Variants in SPTBN2 observed in about 807,000 individuals in gnomAD.
SPTBN2 encodes the protein spectrin beta, non-erythrocytic 2, also known as spectrin beta chain, non-erythrocytic 2.
In SPTBN2, 107 loss-of-function variants were observed where a neutral mutation model predicts 284.2. That is an observed-to-expected ratio of 0.38 (90% CI 0.32 to 0.44). SPTBN2 has a LOEUF of 0.44. Among genes scored for constraint, SPTBN2 ranks in the 20% least tolerant of loss-of-function variants. The pLI, the probability that SPTBN2 is intolerant of heterozygous loss-of-function variation, is 1.00. For synonymous variants in SPTBN2, 1,289 were observed against 1,354.8 expected (o/e 0.95, Z 1.07); for missense variants, 2,569 against 3,287.1 (o/e 0.78, Z 5.34).
At chr11:66,686,749 C>G in intron 36 of SPTBN2, 1 of 645,138 alleles carries the variant, frequency 1.6e-6, no homozygotes, top group South Asian at 1.9e-5. Flanking sequence ...GGATTTCCCA[C>G]CCTGGGTAAT....
chr11:66,694,520 G>C (rs563544794), intron 21 of SPTBN2, among the ~76,000 whole-genome samples, 157 bp from the exon 22 acceptor site: 1 of 152,304 alleles, frequency 6.6e-6, no homozygotes, highest in East Asian at 1.9e-4. Flanking sequence ...AGTGGATCTC[G>C]AACTTTATAT....
chr11:66,735,944 C>T (rs879575268), intron 1 of SPTBN2, among the ~76,000 whole-genome samples: 2 of 152,126 alleles, frequency 1.3e-5, no homozygotes, highest in Non-Finnish European at 2.9e-5. Flanking sequence ...AAGTAAAGGT[C>T]GGAAAGGTGG....
chr11:66,691,968 G>A lies in SPTBN2; in HGVS notation c.5191-310C>T, dbSNP rs988562357. Among the ~76,000 whole-genome samples the A allele has an allele frequency of 1.3e-5, 2 of 152,168 alleles. No homozygotes were observed. Among genetic ancestry groups the A allele is most frequent in the African/African-American group, 4.8e-5 (2 of 41,438 alleles). On this transcript the variant is annotated intron_variant, in intron 26 of 37. Coordinates refer to ENST00000533211, the MANE Select transcript of SPTBN2 (RefSeq NM_006946.4). The surrounding 1 kb of genome is among the most constrained non-coding windows in gnomAD (Gnocchi z 8.0). ...AGGGTCCAAGCCCCCAAACTGTCGGGGGGGTGGATCATACTCCGTTTTGTT... is the reference window on the plus strand; with the variant it reads ...AGGGTCCAAGCCCCCAAACTGTCGGAGGGGTGGATCATACTCCGTTTTGTT...
Position 66,708,068 on chromosome 11 carries a change from C to A in SPTBN2, c.1350+73G>T, listed in dbSNP as rs1017782438. 30 of 1,602,812 alleles carry A rather than the reference C, an allele frequency of 1.9e-5. No homozygotes were observed. The African/African-American group carries it at 3.5e-4, about 19-fold the overall frequency. The stretch of plus-strand genomic sequence containing the variant: ...TGTGTTTCATTGTCTCTCCACCCCG[C>A]GGGGCTTCTTATCCACCCTGTCTCT... On this transcript the variant is annotated intron_variant, in intron 12 of 37. Transcript: ENST00000533211. The surrounding 1 kb of genome is among the most constrained non-coding windows in gnomAD (Gnocchi z 4.4).
chr11:66,686,384 G>C lies in SPTBN2; in HGVS notation c.6939+14C>G, dbSNP rs370403561. 6.2e-7 allele frequency: 1 copy of C among 1,614,102 alleles called. No individual in the cohort carries two copies. Among genetic ancestry groups the C allele is most frequent in the Non-Finnish European group, 8.5e-7 (1 of 1,179,970 alleles). On this transcript the variant is annotated intron_variant, in intron 37 of 37. Transcript: ENST00000533211. ...GAATGGCACGGACAGAGAGGAACAC[G>C]AAGGACAGCTCACCTCATCCTTGGC...
intron 3 of SPTBN2, among the ~76,000 whole-genome samples, 166 bp downstream of exon 3, chr11:66,720,918 A>G (rs562887964): frequency 1.3e-5 from 2 of 152,112 alleles, no homozygotes; most frequent in East Asian, 1.9e-4. Context: ...AATGGCCTGG[A>G]GCCTATTCTT....
Position 66,690,301 on chromosome 11 carries a change from A to G in SPTBN2, c.5566-18T>C. ...TGCTGGACCTGCGGAGCCCCGGGTCAGAGTCAGGCAGAGCGGGGGACTCCA... is the reference window on the plus strand; with the variant it reads ...TGCTGGACCTGCGGAGCCCCGGGTCGGAGTCAGGCAGAGCGGGGGACTCCA... On this transcript the variant is annotated intron_variant, in intron 27 of 37. Transcript: ENST00000533211. The G allele has an allele frequency of 6.3e-7, 1 of 1,589,092 alleles. No homozygotes were observed. Among genetic ancestry groups the G allele is most frequent in the Non-Finnish European group, 8.5e-7 (1 of 1,170,562 alleles).
chr11:66,744,321 T>G (rs1260730959), intron 1 of SPTBN2: 2 of 152,776 alleles, frequency 1.3e-5, no homozygotes, highest in African/African-American at 4.8e-5. Context: ...GGGCTTGGCC[T>G]GGGGCAGCCC....
Position 66,707,930 on chromosome 11 carries a change from C to T in SPTBN2, c.1351-112G>A, listed in dbSNP as rs1046856117. The T allele has an allele frequency of 6.4e-5, 92 of 1,444,940 alleles. No homozygotes were observed. Among genetic ancestry groups the T allele is most frequent in the Non-Finnish European group, 8.6e-5 (92 of 1,064,348 alleles). 89.5% of individuals were successfully genotyped at this position (1,444,940 alleles called of 1,614,324 possible). ...AAGATCCCAGCTCCATGCGGTGGCTCTAAGTTCCCTCTCTATCCCACCCCC... is the reference window on the plus strand; with the variant it reads ...AAGATCCCAGCTCCATGCGGTGGCTTTAAGTTCCCTCTCTATCCCACCCCC... On this transcript the variant is annotated intron_variant, in intron 12 of 37. Transcript: ENST00000533211. This position sits in a 1 kb window ranked among gnomAD's most constrained non-coding sequence, Gnocchi z 4.9.
rs1939999237 is a variant in SPTBN2, at chr11:66,684,675, G to A, written c.*1196C>T. ...AAAGAATATATATTATCCTCTGTGT[G>A]TATATTTACATGCTTGGGCTGTAAA... is the stretch of plus-strand genomic sequence containing the variant. On this transcript the variant is annotated 3_prime_UTR_variant, in exon 38 of 38. Coordinates refer to ENST00000533211, the MANE Select transcript of SPTBN2 (RefSeq NM_006946.4). Among the ~76,000 whole-genome samples, 1 of 151,690 alleles carries A rather than the reference G, an allele frequency of 6.6e-6. No individual in the cohort carries two copies. The highest frequency in any genetic ancestry group is 1.5e-5 in the Non-Finnish European group (1 of 67,922).
At position 66,692,590 on chromosome 11, in the gene SPTBN2, C is replaced by T. The variant is rs1412894913; in HGVS notation, c.5136G>A (p.Glu1712=). 3.1e-6 allele frequency: 5 copies of T among 1,606,702 alleles called. No individual in the cohort carries two copies. Among genetic ancestry groups the T allele is most frequent in the Middle Eastern group, 1.7e-4 (1 of 6,040 alleles). Reference sequence around the variant, plus strand: ...CGTGGGAGGCCGCCACCACCTCGCGCTCCTGGATCCACTGTTCCAGGTCAT... The same window carrying T: ...CGTGGGAGGCCGCCACCACCTCGCGTTCCTGGATCCACTGTTCCAGGTCAT... The part of the protein sequence containing the change: ...ELDDLEQWIQ[E]REVVAASHEL... Residue 1712 remains glutamate (E), a synonymous_variant, in exon 26 of 38, where the codon GAG becomes GAA. Transcript: ENST00000533211.
intron 20 of SPTBN2, among the ~76,000 whole-genome samples, chr11:66,697,958 GAA>G (rs1378163594): frequency 6.6e-6 from 1 of 152,204 alleles, no homozygotes; most frequent in Non-Finnish European, 1.5e-5. Flanking sequence ...TTGAGAAAAG[GAA>G]AGTGTCTTTT....
Position 66,721,221 on chromosome 11 carries a change from G to C in SPTBN2, c.20C>G (p.Pro7Arg). Residue 7 changes from proline to arginine, a missense_variant, in exon 3 of 38, where the codon CCC (proline) becomes CGC (arginine). Physicochemically the swap from Pro to Arg is moderately radical, Grantham distance 103 (BLOSUM62 -2). This residue lies in a region of SPTBN2 where 304 missense variants were observed against 522.1 expected (regional missense o/e 0.58). Transcript: ENST00000533211. MSSTLS[P>R]TDFDSLEIQG... is the part of the protein sequence containing the mutation. ...GATTTCCAAGCTGTCAAAGTCTGTG[G>C]GTGACAGCGTGCTGCTCATGGTGGT... The C allele has an allele frequency of 6.2e-7, 1 of 1,614,174 alleles. No individual in the cohort carries two copies. Among genetic ancestry groups the C allele is most frequent in the Non-Finnish European group, 8.5e-7 (1 of 1,180,028 alleles).
rs376579703 is a variant in SPTBN2 at position 66,692,576 on chromosome 11, G to A, written c.5150C>T (p.Ala1717Val). Residue 1717 changes from alanine (A) to valine (V), a missense_variant, in exon 26 of 38, where the codon GCG becomes GTG. Transcript: ENST00000533211. ...EQWIQEREVV[A>V]ASHELGQDYE... is the part of the protein sequence containing the mutation. The stretch of plus-strand genomic sequence containing the variant: ...GTCCTGGCCCAGCTCGTGGGAGGCC[G>A]CCACCACCTCGCGCTCCTGGATCCA... 3.1e-6 allele frequency: 5 copies of A among 1,605,864 alleles called. No homozygotes were observed. Among genetic ancestry groups the A allele is most frequent in the African/African-American group, 1.3e-5 (1 of 74,884 alleles).
In SPTBN2 at chr11:66,700,417, G is replaced by T; in HGVS notation, c.3573+109C>A. The T allele has an allele frequency of 1.3e-6, 2 of 1,483,582 alleles. No homozygotes were observed. The highest frequency in any genetic ancestry group is 1.8e-6 in the Non-Finnish European group (2 of 1,083,002). 91.9% of individuals were successfully genotyped at this position (1,483,582 alleles called of 1,614,324 possible). A position where few individuals can be genotyped will look rare whatever the true frequency, so the allele number is the denominator to read the frequency against. ...TGGAATTTCAGGTGTGAACCACTGC[G>T]CTGCCCCATTTTGCTAGCATGTCCT... On this transcript the variant is annotated intron_variant, in intron 17 of 37. Transcript: ENST00000533211. This position sits in a 1 kb window ranked among gnomAD's most constrained non-coding sequence, Gnocchi z 6.6.
In SPTBN2 at chr11:66,684,219, C is replaced by A. The variant is rs1377086755; in HGVS notation, c.*1652G>T. On this transcript the variant is annotated 3_prime_UTR_variant, in exon 38 of 38. Coordinates refer to ENST00000533211, the MANE Select transcript of SPTBN2 (RefSeq NM_006946.4). The stretch of plus-strand genomic sequence containing the variant: ...AAGAACACGCTTTTCCTGTTGGAGG[C>A]CACCAAGGAGTGCCCACTTCCATCA... 6.6e-6 allele frequency among the ~76,000 whole-genome samples: 1 copy of A among 152,198 alleles called. No homozygotes were observed. The highest frequency in any genetic ancestry group is 2.4e-5 in the African/African-American group (1 of 41,454).
At chr11:66,686,807 T>C (rs887791862) in intron 36 of SPTBN2, 187 bp downstream of exon 36, 5 of 775,908 alleles carry the variant, frequency 6.4e-6, no homozygotes, top group Middle Eastern at 2.3e-4. Flanking sequence ...TTGGTTCTCC[T>C]GCTCCCCTTG....
chr11:66,709,331 C>T (rs938204303), intron 10 of SPTBN2, among the ~76,000 whole-genome samples: 5 of 152,282 alleles, frequency 3.3e-5, no homozygotes, highest in East Asian at 1.9e-4. Context: ...GCATGCACCA[C>T]CACACCTGGC....
exon 1 of SPTBN2, chr11:66,744,621 C>T (rs1565168492): frequency 7.3e-6 from 2 of 274,280 alleles, no homozygotes. Flanking sequence ...CCGCGGCGCT[C>T]AGAGGCTCTA....
Sources: gnomAD v4.1 joint callset for allele counts (sites outside exome capture counted in the v4.1 genomes callset) on GRCh38, gnomAD v4.1.1 for gene constraint, gnomAD v4.1.1 regional missense constraint, Gnocchi (gnomAD v3.1) non-coding constraint, MANE v1.5 for transcripts, NCBI Gene and HGNC (gene_info 2026-07-23, HGNC 2026-07-21) for gene names.